Variants in LOXL3 observed in about 807,000 individuals in gnomAD.
The protein encoded by LOXL3 is lysyl oxidase like 3.
In LOXL3, 60 loss-of-function variants were observed where a neutral mutation model predicts 91.8. That is an observed-to-expected ratio of 0.65 (90% confidence interval 0.53 to 0.81). The LOEUF (loss-of-function observed/expected upper bound fraction) is 0.81, where lower values mean the gene tolerates loss of function less well. LOXL3 is among the 30% of genes least tolerant of loss of function. The pLI is 0.00. For missense variants in LOXL3, 874 were observed against 1,000.4 expected, an observed-to-expected ratio of 0.87 and a Z score of 1.70; for synonymous variants, 355 against 387.6, an observed-to-expected ratio of 0.92 and a Z score of 0.99.
intron 2 of LOXL3, 41 bp from the exon 3 acceptor site, chr2:74,550,389 G>A: frequency 6.3e-7 from 1 of 1,591,336 alleles, no homozygotes; most frequent in Non-Finnish European, 8.6e-7. Context: ...GCTTGGGGAG[G>A]GAGGATGGGG....
intron 13 of LOXL3, 86 bp downstream of exon 13, chr2:74,533,796 G>T (rs1675805200): frequency 7.0e-7 from 1 of 1,434,530 alleles, no homozygotes; most frequent in Non-Finnish European, 9.8e-7. Flanking sequence ...AAGGTGGGAA[G>T]ATGGAGAAAC....
chr2:74,549,818 G>A lies in LOXL3; in HGVS notation c.478-235C>T. On this transcript the variant is annotated intron_variant, in intron 3 of 13. Transcript: ENST00000264094. This position sits in a 1 kb window ranked among gnomAD's most constrained non-coding sequence, Gnocchi z 5.3. The stretch of plus-strand genomic sequence containing the variant: ...GAGGATTCAGGGCACTAGGAAGGAG[G>A]CCCTCCCTGTGCCTGGAGCAGGAGG... 1.0e-6 allele frequency: 1 copy of A among 985,402 alleles called. No individual in the cohort carries two copies. Among genetic ancestry groups the A allele is most frequent in the South Asian group, 4.7e-5 (1 of 21,292 alleles). The allele number at this position is 985,402 out of a possible 1,614,324, so 61.0% of individuals were successfully genotyped here. A position where few individuals can be genotyped will look rare whatever the true frequency, so the allele number is the denominator to read the frequency against.
intron 4 of LOXL3, among the ~76,000 whole-genome samples, chr2:74,542,338 C>G (rs1235338190): frequency 3.3e-5 from 5 of 151,990 alleles, no homozygotes; most frequent in Non-Finnish European, 7.4e-5. Flanking sequence ...AAGAAAAAAC[C>G]CAAAACAAAA....
rs1405395134 is a variant in LOXL3 at position 74,535,723 on chromosome 2, CT to C, written c.1280del (p.Glu427GlyfsTer8). 3.1e-6 allele frequency: 5 copies of C among 1,592,054 alleles called. No homozygotes were observed. The South Asian group carries it at 3.4e-5, about 11-fold the overall frequency. ...IRLSGGRSQH[E>X]GRVEVQIGGP... is the part of the protein sequence containing the mutation. ...CCCCTATTTGCACCTCGACTCGCCC[CT>C]CATGTTGGCTGCGGCCCCCACTGAG... On this transcript the variant is annotated frameshift_variant, in exon 8 of 14. Transcript: ENST00000264094. LOFTEE classifies it high-confidence loss of function. This position sits in a 1 kb window ranked among gnomAD's most constrained non-coding sequence, Gnocchi z 4.2.
chr2:74,539,174 C>T (rs192350478), intron 4 of LOXL3, among the ~76,000 whole-genome samples: 72 of 152,134 alleles, frequency 4.7e-4, no homozygotes, highest in Non-Finnish European at 8.5e-4. Context: ...GTGATTGGTC[C>T]GCAAAAAGGA....
rs1285411015 is a variant in LOXL3 at position 74,549,496 on chromosome 2, C to G, written c.565G>C (p.Val189Leu). 1 of 1,613,694 alleles carries G rather than the reference C, an allele frequency of 6.2e-7. No homozygotes were observed. Residue 189 changes from valine to leucine, a missense_variant, in exon 4 of 14, where the codon GTG becomes CTG. Physicochemically the swap from Val to Leu is conservative, Grantham distance 32. Transcript: ENST00000264094. The surrounding 1 kb of genome is among the most constrained non-coding windows in gnomAD (Gnocchi z 5.3). ...RRPLPVTEGL[V>L]EVRLPDGWSQ... ...CAGCCGTCAGGAAGCCTGACTTCCA[C>G]CAGCCCCTCCGTCACGGGCAGGGGT...
upstream of LOXL3, chr2:74,555,627 T>G: frequency 6.2e-7 from 1 of 1,614,130 alleles, no homozygotes; most frequent in South Asian, 1.1e-5. The surrounding 1 kb of genome is among the most constrained non-coding windows in gnomAD (Gnocchi z 6.1). Context: ...CTTTCTGCCC[T>G]GGAGATGCTG....
At position 74,536,333 on chromosome 2, in the gene LOXL3, C is replaced by T. The variant is rs756167221; in HGVS notation, c.1051G>A (p.Gly351Arg). The T allele has an allele frequency of 1.5e-5, 24 of 1,613,942 alleles. No individual in the cohort carries two copies. The Admixed American group carries it at 2.2e-4, about 15-fold the overall frequency. The change falls in exon 6 of 14, where the codon GGG becomes AGG. Residue 351 changes from glycine (G) to arginine (R), a missense_variant. Gly to Arg is a moderately radical substitution (Grantham distance 125). Coordinates refer to ENST00000264094, the MANE Select transcript of LOXL3 (RefSeq NM_032603.5). This position sits in a 1 kb window ranked among gnomAD's most constrained non-coding sequence, Gnocchi z 4.5. The stretch of plus-strand genomic sequence containing the variant: ...CCACTCAGAGCTTCTCGAGCACTCC[C>T]GAAGCCCAGCTCCCGACACACCACG... Reference protein sequence around the residue: ...ASVVCRELGFGSAREALSGAR... With the variant: ...ASVVCRELGFRSAREALSGAR...
chr2:74,545,994 C>A (rs1676565716), intron 4 of LOXL3, among the ~76,000 whole-genome samples: 1 of 152,188 alleles, frequency 6.6e-6, no homozygotes, highest in African/African-American at 2.4e-5. Flanking sequence ...CATCTCCCAA[C>A]AAAACATGCT....
Position 74,535,287 on chromosome 2 carries a change from C to G in LOXL3, c.1579+5G>C. ...CTGGCATGCATCACCCCCTCCTTCA[C>G]TCACTCTCAGAACAGATGACTCCAG... On this transcript the variant is annotated splice_donor_5th_base_variant and intron_variant, in intron 9 of 13. Transcript: ENST00000264094. This position sits in a 1 kb window ranked among gnomAD's most constrained non-coding sequence, Gnocchi z 4.2. 6.2e-7 allele frequency: 1 copy of G among 1,607,388 alleles called. No homozygotes were observed. Among genetic ancestry groups the G allele is most frequent in the Non-Finnish European group, 8.5e-7 (1 of 1,175,656 alleles).
At chr2:74,534,910 A>T in intron 9 of LOXL3, 136 bp from the exon 10 acceptor site, 1 of 1,049,916 alleles carries the variant, frequency 9.5e-7, no homozygotes, top group Non-Finnish European at 1.4e-6. Context: ...ATGGAGTCTC[A>T]CTCTGTTGCC....
At position 74,534,589 on chromosome 2, in the gene LOXL3, G is replaced by A. The variant is rs144775651; in HGVS notation, c.1765C>T (p.Arg589Ter). The A allele has an allele frequency of 6.2e-6, 10 of 1,614,196 alleles. No homozygotes were observed. Among genetic ancestry groups the A allele is most frequent in the South Asian group, 3.3e-5 (3 of 91,086 alleles). The change falls in exon 10 of 14, where the codon CGA (arginine) becomes TGA (stop). Residue 589 changes from arginine to a stop codon, truncating the protein, a stop_gained. Coordinates refer to ENST00000264094, the MANE Select transcript of LOXL3 (RefSeq NM_032603.5). LOFTEE classifies it high-confidence loss of function. Reference protein sequence around the residue: ...RFSSQIHNLGRADFRPKAGRH... With the variant: ...RFSSQIHNLG Reference sequence around the variant, plus strand: ...CCAGCCTTGGGCCTGAAGTCAGCTCGTCCCAGGTTGTGGATCTGGGAGGAG... The same window carrying A: ...CCAGCCTTGGGCCTGAAGTCAGCTCATCCCAGGTTGTGGATCTGGGAGGAG...
At chr2:74,554,606 C>T (rs960451761), upstream of LOXL3, 1 of 704,628 alleles carries the variant, frequency 1.4e-6, no homozygotes, top group Non-Finnish European at 2.3e-6. The surrounding 1 kb of genome is among the most constrained non-coding windows in gnomAD (Gnocchi z 4.9). Flanking sequence ...CATTCCTTCT[C>T]GCTCCTCTCC....
At chr2:74,555,657 C>A (rs1260749504), upstream of LOXL3, 1 of 1,614,046 alleles carries the variant, frequency 6.2e-7, no homozygotes, top group Non-Finnish European at 8.5e-7. This position sits in a 1 kb window ranked among gnomAD's most constrained non-coding sequence, Gnocchi z 6.1. Context: ...TTGTACAGCC[C>A]TACCTGGGAA....
upstream of LOXL3, chr2:74,554,638 C>A (rs907128302): frequency 3.1e-6 from 3 of 983,184 alleles, no homozygotes; most frequent in African/African-American, 1.6e-5. The surrounding 1 kb of genome is among the most constrained non-coding windows in gnomAD (Gnocchi z 4.9). Flanking sequence ...GCGACCCCCC[C>A]AGCGGCTGCC....
Position 74,533,182 on chromosome 2 carries a change from A to G in LOXL3, c.*424T>C, listed in dbSNP as rs967768666. ...ATAAAATTATACCTAGCAACATATT[A>G]TAGTAAAAAATGAGGTGGGAGGGCT... On this transcript the variant is annotated 3_prime_UTR_variant, in exon 14 of 14. Coordinates refer to ENST00000264094, the MANE Select transcript of LOXL3 (RefSeq NM_032603.5). 7.9e-5 allele frequency: 47 copies of G among 597,054 alleles called. No individual in the cohort carries two copies. In the African/African-American group the frequency reaches 8.6e-4, roughly 11 times the overall value. The allele number at this position is 597,054 out of a possible 1,614,324, so 37.0% of individuals were successfully genotyped here. A position where few individuals can be genotyped will look rare whatever the true frequency, so the allele number is the denominator to read the frequency against.
At chr2:74,539,985 A>C (rs1391276899) in intron 4 of LOXL3, 1 of 151,936 alleles carries the variant, frequency 6.6e-6, no homozygotes, top group East Asian at 1.9e-4. Flanking sequence ...AACAGCAGAC[A>C]CTCCTGAGAC....
chr2:74,550,204 G>A lies in LOXL3; in HGVS notation c.458C>T (p.Ser153Leu), dbSNP rs749635165. The A allele has an allele frequency of 4.3e-6, 7 of 1,613,908 alleles. No homozygotes were observed. The South Asian group carries it at 5.5e-5, about 13-fold the overall frequency. ...GCAGACCTCAATGACATTGGAGTCCGAGAAGCCAGGGAGGCGCTGGTCTTT... is the reference window on the plus strand; with the variant it reads ...GCAGACCTCAATGACATTGGAGTCCAAGAAGCCAGGGAGGCGCTGGTCTTT... The part of the protein sequence containing the change: ...ICKDQRLPGF[S>L]DSNVIEVEHH... The change falls in exon 3 of 14, where the codon TCG becomes TTG. Residue 153 changes from serine to leucine, a missense_variant. Physicochemically the swap from Ser to Leu is moderately radical, Grantham distance 145 (BLOSUM62 -2). Transcript: ENST00000264094.
Position 74,552,531 on chromosome 2 carries a change from T to C in LOXL3, c.104A>G (p.Lys35Arg). 1 of 1,613,198 alleles carries C rather than the reference T, an allele frequency of 6.2e-7. No homozygotes were observed. The highest frequency in any genetic ancestry group is 1.1e-5 in the South Asian group (1 of 91,054). Residue 35 changes from lysine to arginine, a missense_variant, in exon 2 of 14, where the codon AAG becomes AGG. Physicochemically the swap from Lys to Arg is conservative, Grantham distance 26. Transcript: ENST00000264094. ...GSPSPSTGPE[K>R]KAGSQGLRFR... The stretch of plus-strand genomic sequence containing the variant: ...CCGAAGCCCCTGGCTCCCGGCCTTC[T>C]TCTCAGGGCCCGTGGAAGGGGACGG...
Sources: allele counts gnomAD v4.1 joint callset (sites outside exome capture counted in the v4.1 genomes callset), GRCh38; gene constraint gnomAD v4.1.1; non-coding constraint Gnocchi (gnomAD v3.1); transcripts MANE v1.5; gene names NCBI Gene and HGNC (gene_info 2026-07-23, HGNC 2026-07-21).